DCC: variants seen among roughly 807,000 people sequenced by gnomAD.
DCC encodes netrin receptor DCC.
DCC carries 58 observed loss-of-function variants against 172.5 expected under a neutral mutation model. The ratio of observed to expected loss-of-function variants is 0.34; its 90% CI spans 0.27 to 0.42. The LOEUF (loss-of-function observed/expected upper bound fraction) is 0.42, where lower values mean the gene tolerates loss of function less well. DCC is among the 10% of genes least tolerant of loss of function. The pLI, the probability that DCC is intolerant of heterozygous loss-of-function variation, is 1.00. For missense variants in DCC, 1,740 were observed against 1,791.0 expected (o/e 0.97, Z 0.51); for synonymous variants, 709 against 644.5 (o/e 1.10, Z -1.52).
chr18:53,514,130 A>ACTC (rs1347229719), intron 27 of DCC, among the ~76,000 whole-genome samples: 19 of 152,318 alleles, frequency 1.2e-4, no homozygotes, highest in African/African-American at 4.3e-4. Context: ...TCAAACTAGA[A>ACTC]CTCAGGATTA....
intron 3 of DCC, among the ~76,000 whole-genome samples, chr18:52,909,474 C>T (rs1404685395): frequency 1.3e-5 from 2 of 152,036 alleles, no homozygotes; most frequent in African/African-American, 4.8e-5. Context: ...TTAATTTTTA[C>T]CATAGTTCAT....
chr18:53,388,418 G>A lies in DCC; in HGVS notation c.2455+2280G>A, dbSNP rs556283913. On this transcript the variant is annotated intron_variant, in intron 16 of 28. Coordinates refer to ENST00000442544, the MANE Select transcript of DCC (RefSeq NM_005215.4). ...CATGGACAGTCTCGAACAAGGGCCCGTGTAAAGTAACTACAAAATATATCA... is the reference window on the plus strand; with the variant it reads ...CATGGACAGTCTCGAACAAGGGCCCATGTAAAGTAACTACAAAATATATCA... 4.6e-4 allele frequency among the ~76,000 whole-genome samples: 70 copies of A among 152,298 alleles called. 1 individual carries two copies. The South Asian group carries it at 0.013, about 28-fold the overall frequency.
intron 5 of DCC, among the ~76,000 whole-genome samples, chr18:53,060,470 C>A (rs1329679495): frequency 6.6e-6 from 1 of 151,996 alleles, no homozygotes; most frequent in Non-Finnish European, 1.5e-5. Flanking sequence ...ATCAAGATAG[C>A]CAGAGAAGAC....
intron 7 of DCC, among the ~76,000 whole-genome samples, chr18:53,109,504 C>T (rs1325694672): frequency 6.6e-6 from 1 of 151,416 alleles, no homozygotes; most frequent in Non-Finnish European, 1.5e-5. Context: ...TGGTCTCTGT[C>T]TCTGTGTGTG....
intron 14 of DCC, among the ~76,000 whole-genome samples, chr18:53,334,275 G>C (rs1407709502): frequency 6.6e-6 from 1 of 152,106 alleles, no homozygotes; most frequent in Non-Finnish European, 1.5e-5. Context: ...ATTCCTGCCA[G>C]TCAAGACCAT....
At chr18:53,382,069 A>AACACACACACAC (rs61553123) in intron 15 of DCC, among the ~76,000 whole-genome samples, 2,491 of 122,852 alleles carry the variant, frequency 0.02, 32 homozygotes, top group African/African-American at 0.034. Flanking sequence ...GATTAAAAAC[A>AACACACACACAC]ACACACACAC....
intron 1 of DCC, among the ~76,000 whole-genome samples, chr18:52,493,615 C>T (rs1442730498): frequency 6.6e-6 from 1 of 151,996 alleles, no homozygotes; most frequent in Non-Finnish European, 1.5e-5. Context: ...CTATTTGCCT[C>T]AATGATTTCA....
intron 1 of DCC, among the ~76,000 whole-genome samples, chr18:52,540,062 A>T (rs2144699949): frequency 6.6e-6 from 1 of 152,234 alleles, no homozygotes; most frequent in East Asian, 1.9e-4. Context: ...TGATTCCTAG[A>T]TCATATCTCA....
chr18:52,748,108 T>A (rs1599070721), intron 1 of DCC, among the ~76,000 whole-genome samples: 1 of 151,842 alleles, frequency 6.6e-6, no homozygotes, highest in African/African-American at 2.4e-5. Flanking sequence ...TGTGAGTGAG[T>A]GAGTGCGGAA....
chr18:52,349,967 A>G (rs1446359389), intron 1 of DCC, among the ~76,000 whole-genome samples: 2 of 152,302 alleles, frequency 1.3e-5, no homozygotes, highest in Admixed American at 6.5e-5. Context: ...ATACAAATTC[A>G]GCATCATCTT....
At chr18:53,122,699 T>C (rs947475693) in intron 7 of DCC, among the ~76,000 whole-genome samples, 5 of 152,056 alleles carry the variant, frequency 3.3e-5, no homozygotes, top group African/African-American at 4.8e-5. Flanking sequence ...TGGTCTGACC[T>C]GAAAGAGTGA....
intron 27 of DCC, among the ~76,000 whole-genome samples, chr18:53,516,033 T>A (rs1304892702): frequency 6.8e-6 from 1 of 147,206 alleles, no homozygotes; most frequent in Non-Finnish European, 1.5e-5. Context: ...GGCATCACAC[T>A]ACCTGACTTC....
At chr18:52,682,637 C>T (rs1446620659) in intron 1 of DCC, among the ~76,000 whole-genome samples, 5 of 152,132 alleles carry the variant, frequency 3.3e-5, no homozygotes, top group Admixed American at 2.6e-4. Flanking sequence ...AAGAAGTGAA[C>T]AAAGCCAGTG....
At chr18:53,520,903 T>G (rs1010376987) in intron 27 of DCC, among the ~76,000 whole-genome samples, 3 of 152,016 alleles carry the variant, frequency 2.0e-5, no homozygotes, top group Non-Finnish European at 2.9e-5. Context: ...AAGAAAAATA[T>G]TAAGTCCATA....
intron 1 of DCC, among the ~76,000 whole-genome samples, chr18:52,749,423 A>C (rs2036961920): frequency 6.6e-6 from 1 of 152,202 alleles, no homozygotes; most frequent in African/African-American, 2.4e-5. Flanking sequence ...GCTGAAACTT[A>C]GAAAAGGAGA....
chr18:52,965,164 G>A (rs1301102993), intron 5 of DCC: 1 of 152,130 alleles, frequency 6.6e-6, no homozygotes, highest in Non-Finnish European at 1.5e-5. Context: ...GGATTAAGAT[G>A]AGGATATCTT....
intron 25 of DCC, among the ~76,000 whole-genome samples, chr18:53,470,001 C>T (rs185216086): frequency 6.6e-6 from 1 of 152,204 alleles, no homozygotes; most frequent in East Asian, 1.9e-4. Flanking sequence ...ACTAGATGCC[C>T]CTGGTTTTCT....
At chr18:52,418,858 C>CTTTTTTTTTTTTTTTTTTTTTT (rs11313758) in intron 1 of DCC, among the ~76,000 whole-genome samples, 3 of 93,016 alleles carry the variant, frequency 3.2e-5, no homozygotes, top group Non-Finnish European at 6.1e-5. Flanking sequence ...TTCTTTCTTT[C>CTTTTTTTTTTTTTTTTTTTTTT]TTTTTTTTTT....
At chr18:52,698,767 T>C (rs1439775466) in intron 1 of DCC, among the ~76,000 whole-genome samples, 1 of 32,714 alleles carries the variant, frequency 3.1e-5, no homozygotes, top group African/African-American at 1.3e-4. Context: ...CCTGGCTATT[T>C]TTTTTTTTTT....
Sources: gnomAD v4.1 joint callset for allele counts (sites outside exome capture counted in the v4.1 genomes callset) on GRCh38, gnomAD v4.1.1 for gene constraint, MANE v1.5 for transcripts, NCBI Gene and HGNC (gene_info 2026-07-23, HGNC 2026-07-21) for gene names.